Variants in RPS6KC1 observed in about 807,000 individuals in gnomAD.
RPS6KC1 encodes the protein ribosomal protein S6 kinase C1, also known as inactive ribosomal protein S6 kinase delta-1.
A neutral mutation model predicts 103.8 loss-of-function variants in RPS6KC1; 54 were observed. That is an observed-to-expected ratio of 0.52 (90% CI 0.42 to 0.65). RPS6KC1 has a LOEUF of 0.65. Ranked by LOEUF, RPS6KC1 falls within the 30% of genes least tolerant of loss-of-function variation. The pLI is 0.00. For missense variants in RPS6KC1, 1,151 were observed against 1,253.8 expected, an observed-to-expected ratio of 0.92 and a Z score of 1.24; for synonymous variants, 439 against 438.7, an observed-to-expected ratio of 1.00 and a Z score of -0.01.
chr1:213,303,881 A>G, the RPS6KC1 span, among the ~76,000 whole-genome samples: 1 of 152,174 alleles, frequency 6.6e-6, no homozygotes, highest in Non-Finnish European at 1.5e-5. Flanking sequence ...CCGAACATTA[A>G]TGACCATTGC....
At chr1:213,548,159 G>A in the RPS6KC1 span, among the ~76,000 whole-genome samples, 3 of 152,228 alleles carry the variant, frequency 2.0e-5, no homozygotes, top group African/African-American at 4.8e-5. Context: ...TTACAGAGCA[G>A]CAAAAGTGAT....
chr1:213,223,276 T>C (rs1349741489), intron 8 of RPS6KC1, among the ~76,000 whole-genome samples: 1 of 152,180 alleles, frequency 6.6e-6, no homozygotes, highest in African/African-American at 2.4e-5. Flanking sequence ...ATAAGTTCTT[T>C]AGTGGTGATT....
At chr1:213,203,631 T>G (rs1305998621) in intron 8 of RPS6KC1, among the ~76,000 whole-genome samples, 2 of 152,136 alleles carry the variant, frequency 1.3e-5, no homozygotes, top group Non-Finnish European at 2.9e-5. Flanking sequence ...GGTATTTTCC[T>G]TCAAGACAAA....
chr1:213,056,819 A>T (rs1572228062), intron 1 of RPS6KC1, among the ~76,000 whole-genome samples: 1 of 147,434 alleles, frequency 6.8e-6, no homozygotes, highest in Non-Finnish European at 1.5e-5. Flanking sequence ...ATCTCTGCTC[A>T]TCTCAGGTGT....
At chr1:213,128,760 G>A (rs973578015) in intron 5 of RPS6KC1, among the ~76,000 whole-genome samples, 1 of 152,114 alleles carries the variant, frequency 6.6e-6, no homozygotes, top group Admixed American at 6.5e-5. Context: ...TTCTGAGGAC[G>A]CATTGTGTAG....
chr1:213,540,126 T>C, the RPS6KC1 span, among the ~76,000 whole-genome samples: 1 of 152,106 alleles, frequency 6.6e-6, no homozygotes, highest in Non-Finnish European at 1.5e-5. Flanking sequence ...TTCCTTTTTT[T>C]TGTGAGATGG....
At chr1:213,283,777 G>A in the RPS6KC1 span, among the ~76,000 whole-genome samples, 1 of 152,140 alleles carries the variant, frequency 6.6e-6, no homozygotes, top group Non-Finnish European at 1.5e-5. Context: ...AGGGTCCAGA[G>A]CAAAGGAAGG....
the RPS6KC1 span, among the ~76,000 whole-genome samples, chr1:213,327,040 CTT>C: frequency 4.4e-5 from 6 of 136,814 alleles, no homozygotes; most frequent in African/African-American, 8.0e-5. Flanking sequence ...TTTTCTTTTT[CTT>C]TTTTTTTTTT....
chr1:213,268,225 TCTAA>T (rs1335571749), intron 14 of RPS6KC1, among the ~76,000 whole-genome samples: 2 of 152,070 alleles, frequency 1.3e-5, no homozygotes, highest in East Asian at 1.9e-4. Context: ...AGCAGTAATG[TCTAA>T]CTAATTATCA....
At chr1:213,692,352 G>A in the RPS6KC1 span, among the ~76,000 whole-genome samples, 13 of 147,756 alleles carry the variant, frequency 8.8e-5, no homozygotes, top group East Asian at 8.1e-4. Context: ...TTGATATCTT[G>A]CCACTACACT....
At chr1:213,251,102 CTTTTTTTTT>C (rs1235280521) in intron 12 of RPS6KC1, among the ~76,000 whole-genome samples, 16 of 100,210 alleles carry the variant, frequency 1.6e-4, no homozygotes, top group African/African-American at 5.2e-4. Flanking sequence ...GGTTTTTCAG[CTTTTTTTTT>C]TTTTTTTTTT....
At chr1:213,160,386 A>G (rs1209027756) in intron 6 of RPS6KC1, among the ~76,000 whole-genome samples, 2 of 152,230 alleles carry the variant, frequency 1.3e-5, no homozygotes, top group Non-Finnish European at 2.9e-5. Flanking sequence ...ACAATTTTTC[A>G]TAAAATTAAA....
the RPS6KC1 span, among the ~76,000 whole-genome samples, chr1:213,371,700 T>C: frequency 6.6e-6 from 1 of 152,234 alleles, no homozygotes; most frequent in Non-Finnish European, 1.5e-5. Flanking sequence ...GATTCAGATC[T>C]CTGGCTTTCA....
the RPS6KC1 span, among the ~76,000 whole-genome samples, chr1:213,394,689 A>C: frequency 6.6e-6 from 1 of 152,192 alleles, no homozygotes; most frequent in Non-Finnish European, 1.5e-5. Flanking sequence ...GTGTTGGATG[A>C]ACATCACAGG....
At chr1:213,278,050 A>G (rs1311046233), downstream of RPS6KC1, among the ~76,000 whole-genome samples, 1 of 152,070 alleles carries the variant, frequency 6.6e-6, no homozygotes, top group Non-Finnish European at 1.5e-5. Flanking sequence ...CAAAAAATAC[A>G]AAAATTAGCT....
At chr1:213,539,495 T>C in the RPS6KC1 span, among the ~76,000 whole-genome samples, 1 of 152,244 alleles carries the variant, frequency 6.6e-6, no homozygotes, top group East Asian at 1.9e-4. Flanking sequence ...CTGTGGGTCC[T>C]GCTCCAGACT....
the RPS6KC1 span, among the ~76,000 whole-genome samples, chr1:213,308,448 A>G: frequency 1.3e-5 from 2 of 152,172 alleles, no homozygotes; most frequent in Admixed American, 1.3e-4. Context: ...TGGTAAGTCT[A>G]GGAACAGGTT....
chr1:213,299,617 A>G, the RPS6KC1 span, among the ~76,000 whole-genome samples: 1 of 151,766 alleles, frequency 6.6e-6, no homozygotes, highest in Non-Finnish European at 1.5e-5. Flanking sequence ...TAGTGGCCAC[A>G]TTAAAAATAT....
chr1:213,820,960 A>G, the RPS6KC1 span: 43,979 of 151,984 alleles, frequency 0.29, 10,073 homozygotes, highest in African/African-American at 0.62. Context: ...GTCTCCAAAC[A>G]TGTTTGTCCC....
Sources: gnomAD v4.1 joint callset for allele counts (sites outside exome capture counted in the v4.1 genomes callset) on GRCh38, gnomAD v4.1.1 for gene constraint, MANE v1.5 for transcripts, NCBI Gene and HGNC (gene_info 2026-07-23, HGNC 2026-07-21) for gene names.